SLC30A7: variants seen among roughly 807,000 people sequenced by gnomAD.
SLC30A7 encodes solute carrier family 30 member 7.
In SLC30A7, 35 loss-of-function variants were observed where a neutral mutation model predicts 46.0. The observed-to-expected ratio is 0.76, with a 90% CI of 0.58 to 1.01. The LOEUF (loss-of-function observed/expected upper bound fraction) is 1.01. SLC30A7 is among the 50% of genes least tolerant of loss of function. The pLI, the probability that SLC30A7 is intolerant of heterozygous loss-of-function variation, is 0.00. For synonymous variants in SLC30A7, 147 were observed against 157.8 expected (o/e 0.93, Z 0.51); for missense variants, 464 against 451.1 (o/e 1.03, Z -0.26).
chr1:100,930,596 A>G (rs1030191711), intron 8 of SLC30A7, among the ~76,000 whole-genome samples: 3 of 151,620 alleles, frequency 2.0e-5, no homozygotes, highest in Non-Finnish European at 4.4e-5. Context: ...TTTTTTTTTA[A>G]TATGTAGAAA....
chr1:100,911,795 G>A (rs555993431), intron 4 of SLC30A7, among the ~76,000 whole-genome samples: 51 of 152,090 alleles, frequency 3.4e-4, no homozygotes, highest in African/African-American at 1.2e-3. Flanking sequence ...CAAGTGATCC[G>A]CCTGCCTCAG....
rs538421509 is a variant in SLC30A7 at position 100,919,599 on chromosome 1, A to G, written c.706+1472A>G. ...ATAATCATGCATATATGATGCATCT[A>G]TATCAAGTACTATAAATTAGCCTTG... On this transcript the variant is annotated intron_variant, in intron 7 of 10. Transcript: ENST00000357650. Among the ~76,000 whole-genome samples, 93 of 152,312 alleles carry G rather than the reference A, an allele frequency of 6.1e-4. 1 individual carries two copies. Among genetic ancestry groups the G allele is most frequent in the Non-Finnish European group, 1.2e-3 (84 of 67,988 alleles).
At chr1:100,974,157 G>A (rs762753579) in intron 10 of SLC30A7, among the ~76,000 whole-genome samples, 2 of 152,094 alleles carry the variant, frequency 1.3e-5, no homozygotes, top group South Asian at 2.1e-4. Context: ...GATATATTGC[G>A]TAGTAGTGAA....
At chr1:100,924,721 A>G (rs1005308707) in intron 8 of SLC30A7, among the ~76,000 whole-genome samples, 5 of 151,730 alleles carry the variant, frequency 3.3e-5, no homozygotes, top group Non-Finnish European at 7.4e-5. Flanking sequence ...ATCAAAATAA[A>G]TTTGTGGGTT....
intron 10 of SLC30A7, among the ~76,000 whole-genome samples, chr1:100,968,873 T>C (rs937659227): frequency 1.4e-4 from 21 of 152,196 alleles, no homozygotes; most frequent in African/African-American, 5.1e-4. Context: ...TTTTAAAAAC[T>C]GTATTTGATT....
intron 8 of SLC30A7, among the ~76,000 whole-genome samples, chr1:100,943,540 G>A (rs1031703031): frequency 5.3e-5 from 8 of 150,494 alleles, no homozygotes; most frequent in South Asian, 2.1e-4. Context: ...ACCTTCAGCC[G>A]CTCTCCCTAT....
At chr1:100,958,923 A>G (rs927954975) in intron 8 of SLC30A7, among the ~76,000 whole-genome samples, 3 of 152,214 alleles carry the variant, frequency 2.0e-5, no homozygotes, top group Admixed American at 2.0e-4. Flanking sequence ...GACACTTCAT[A>G]CAGTGTAGAA....
intron 9 of SLC30A7, among the ~76,000 whole-genome samples, chr1:100,963,243 A>C (rs1250299163): frequency 6.6e-6 from 1 of 152,170 alleles, no homozygotes; most frequent in Admixed American, 6.5e-5. Flanking sequence ...CTCTGCTTTC[A>C]ACTCTAAATT....
At chr1:100,926,306 T>A (rs987065166) in intron 8 of SLC30A7, among the ~76,000 whole-genome samples, 27 of 151,862 alleles carry the variant, frequency 1.8e-4, no homozygotes, top group African/African-American at 6.3e-4. Flanking sequence ...AGAAGAGAGG[T>A]TTTATTGGCT....
chr1:100,932,000 A>G (rs769144075), intron 8 of SLC30A7, among the ~76,000 whole-genome samples: 10 of 152,188 alleles, frequency 6.6e-5, no homozygotes, highest in Non-Finnish European at 1.5e-4. Flanking sequence ...TTTTTCTAAG[A>G]AATGTTGTAT....
At chr1:100,993,559 A>ATATATATATAT in the SLC30A7 span, among the ~76,000 whole-genome samples, 1 of 56,546 alleles carries the variant, frequency 1.8e-5, no homozygotes, top group Non-Finnish European at 3.4e-5. Flanking sequence ...CGAAAATATA[A>ATATATATATAT]ATATATATAT....
At chr1:100,898,935 C>T (rs971884000) in intron 2 of SLC30A7, among the ~76,000 whole-genome samples, 3 of 152,078 alleles carry the variant, frequency 2.0e-5, no homozygotes, top group Non-Finnish European at 1.5e-5. Flanking sequence ...AGGACTGAAA[C>T]GTGAATAAAA....
chr1:100,992,933 A>G, the SLC30A7 span, among the ~76,000 whole-genome samples: 2 of 152,202 alleles, frequency 1.3e-5, no homozygotes, highest in Admixed American at 6.5e-5. Context: ...TCATTGTTCT[A>G]ATTTAACTTT....
At chr1:100,905,544 T>G (rs538622082) in intron 2 of SLC30A7, among the ~76,000 whole-genome samples, 1 of 152,272 alleles carries the variant, frequency 6.6e-6, no homozygotes, top group South Asian at 2.1e-4. Flanking sequence ...TATTTTAGTA[T>G]GTTTGATACG....
Position 100,976,509 on chromosome 1 carries a change from CTACTTAAGTA to C in SLC30A7, c.*1654_*1663del, listed in dbSNP as rs1395014293. 4 of 152,152 alleles carry C rather than the reference CTACTTAAGTA, an allele frequency of 2.6e-5. No homozygotes were observed. The highest frequency in any genetic ancestry group is 4.8e-5 in the African/African-American group (2 of 41,422). The allele number at this position is 152,152 out of a possible 1,614,324, so 9.4% of individuals were successfully genotyped here. ...AATTCGAGATAAGTGCTTGAGCACT[CTACTTAAGTA>C]TTCTCTGTGTTTTATGAAGAGAAAA... On this transcript the variant is annotated 3_prime_UTR_variant, in exon 11 of 11. Coordinates refer to ENST00000357650, the MANE Select transcript of SLC30A7 (RefSeq NM_133496.5).
the SLC30A7 span, chr1:100,990,188 A>G: frequency 3.7e-6 from 2 of 533,874 alleles, no homozygotes; most frequent in South Asian, 4.5e-5. Flanking sequence ...GAGAGCCAGT[A>G]GGGGAAATGC....
intron 8 of SLC30A7, among the ~76,000 whole-genome samples, chr1:100,950,682 A>G (rs1654904630): frequency 1.3e-5 from 2 of 152,328 alleles, no homozygotes; most frequent in South Asian, 4.1e-4. Flanking sequence ...TTCTCCTAAA[A>G]TCAGGACTTT....
chr1:100,951,887 T>TA (rs1207535136), intron 8 of SLC30A7, among the ~76,000 whole-genome samples: 1 of 152,186 alleles, frequency 6.6e-6, no homozygotes, highest in Non-Finnish European at 1.5e-5. Flanking sequence ...GTAATTAAGT[T>TA]AAAGATTTTG....
chr1:100,913,157 A>G (rs576864927), intron 5 of SLC30A7, among the ~76,000 whole-genome samples: 1 of 152,248 alleles, frequency 6.6e-6, no homozygotes, highest in African/African-American at 2.4e-5. Flanking sequence ...TACCTGCTTT[A>G]ATGTAATTTT....
Sources: gnomAD v4.1 joint callset for allele counts (sites outside exome capture counted in the v4.1 genomes callset) on GRCh38, gnomAD v4.1.1 for gene constraint, MANE v1.5 for transcripts, NCBI Gene and HGNC (gene_info 2026-07-23, HGNC 2026-07-21) for gene names.